The following PMPCB variants were observed in gnomAD, a reference collection of about 807,000 sequenced individuals.
PMPCB encodes peptidase, mitochondrial processing subunit beta, also known as mitochondrial-processing peptidase subunit beta.
PMPCB carries 46 observed loss-of-function variants against 61.5 expected under a neutral mutation model. The observed-to-expected ratio is 0.75, with a 90% CI of 0.59 to 0.96. PMPCB has a LOEUF of 0.96. Among genes scored for constraint, PMPCB ranks in the 40% least tolerant of loss-of-function variants. The pLI, the probability that PMPCB is intolerant of heterozygous loss-of-function variation, is 0.00. For missense variants in PMPCB, 590 were observed against 602.4 expected, an observed-to-expected ratio of 0.98 and a Z score of 0.22; for synonymous variants, 191 against 201.6, an observed-to-expected ratio of 0.95 and a Z score of 0.44.
At chr7:103,344,642 C>T in the PMPCB span, 9 of 1,605,716 alleles carry the variant, frequency 5.6e-6, no homozygotes, top group Middle Eastern at 1.8e-4. Flanking sequence ...GGGTCTAGCC[C>T]GGTGGGCGCA....
At chr7:103,308,263 C>T (rs1031465094) in intron 7 of PMPCB, among the ~76,000 whole-genome samples, 5 of 152,186 alleles carry the variant, frequency 3.3e-5, no homozygotes, top group African/African-American at 4.8e-5. Context: ...TGGCAGCTGC[C>T]TAGAACTGTA....
At chr7:103,316,821 A>G (rs1236051288), downstream of PMPCB, 3 of 1,611,826 alleles carry the variant, frequency 1.9e-6, no homozygotes, top group Non-Finnish European at 2.5e-6. Flanking sequence ...GTTTCATTAA[A>G]ACCAGTACCT....
chr7:103,333,563 G>C (rs1367950100), downstream of PMPCB, among the ~76,000 whole-genome samples: 1 of 152,206 alleles, frequency 6.6e-6, no homozygotes, highest in African/African-American at 2.4e-5. Flanking sequence ...AGTTCAGTGA[G>C]TTCTGACAAT....
intron 12 of PMPCB, chr7:103,319,860 CA>C (rs777361207): frequency 6.2e-7 from 1 of 1,612,682 alleles, no homozygotes; most frequent in Non-Finnish European, 8.5e-7. Flanking sequence ...AGCACAAACA[CA>C]AAAATAGTAT....
intron 9 of PMPCB, 101 bp downstream of exon 9, chr7:103,310,576 T>A: frequency 1.1e-6 from 1 of 889,954 alleles, no homozygotes; most frequent in Non-Finnish European, 1.7e-6. Flanking sequence ...TTTTACCTTT[T>A]AATTAAGAGA....
chr7:103,333,403 T>A (rs1819047825), downstream of PMPCB, among the ~76,000 whole-genome samples: 2 of 152,226 alleles, frequency 1.3e-5, no homozygotes, highest in African/African-American at 4.8e-5. Flanking sequence ...AAAAAAAGTC[T>A]ATTAGCATAA....
At chr7:103,319,462 A>G (rs1176297195), downstream of PMPCB, 2 of 850,882 alleles carry the variant, frequency 2.4e-6, no homozygotes, top group Admixed American at 2.8e-5. Context: ...AAAACCGAAC[A>G]CATAAAACAA....
chr7:103,326,481 C>T, intron 12 of PMPCB: 2 of 1,533,644 alleles, frequency 1.3e-6, no homozygotes, highest in South Asian at 1.2e-5. Context: ...GAGCAGAAAC[C>T]TGGAAGACTA....
intron 7 of PMPCB, among the ~76,000 whole-genome samples, 184 bp downstream of exon 7, chr7:103,307,892 C>G (rs2115684420): frequency 6.6e-6 from 1 of 152,326 alleles, no homozygotes; most frequent in Admixed American, 6.5e-5. Context: ...TATTTTTCTT[C>G]CTAAGGAAGC....
chr7:103,300,716 G>A (rs7779858), intron 4 of PMPCB, among the ~76,000 whole-genome samples: 1 of 152,154 alleles, frequency 6.6e-6, no homozygotes, highest in Non-Finnish European at 1.5e-5. Context: ...AGATAGTCTC[G>A]CTCTGTCACC....
intron 6 of PMPCB, 127 bp from the exon 7 acceptor site, chr7:103,307,467 ACT>A: frequency 1.7e-6 from 1 of 592,042 alleles, no homozygotes; most frequent in East Asian, 2.9e-5. Context: ...ATGTGAGCTT[ACT>A]CTTAAATAAT....
At position 103,312,077 on chromosome 7, in the gene PMPCB, C is replaced by G. The variant is rs560868240; in HGVS notation, c.1351C>G (p.Arg451Gly). 4.3e-6 allele frequency: 7 copies of G among 1,613,688 alleles called. No individual in the cohort carries two copies. Among genetic ancestry groups the G allele is most frequent in the Admixed American group, 1.7e-5 (1 of 59,978 alleles). ...RIDAVNAETI[R>G]EVCTKYIYNR... ...TCAGGCTGTGAATGCTGAGACAATT[C>G]GAGAAGTATGTACCAAATACATTTA... is the stretch of plus-strand genomic sequence containing the variant. The change falls in exon 12 of 13, where the codon CGA (arginine) becomes GGA (glycine). Residue 451 changes from arginine (R) to glycine (G), a missense_variant. Arg to Gly is a moderately radical substitution (Grantham distance 125, BLOSUM62 -2). Transcript: ENST00000249269.
intron 6 of PMPCB, among the ~76,000 whole-genome samples, chr7:103,305,460 T>C (rs1008560479): frequency 6.6e-6 from 1 of 152,242 alleles, no homozygotes; most frequent in Non-Finnish European, 1.5e-5. Context: ...TTCTTAACTA[T>C]GTTGCCCAGG....
the PMPCB span, among the ~76,000 whole-genome samples, chr7:103,345,296 A>G: frequency 6.6e-6 from 1 of 152,174 alleles, no homozygotes; most frequent in African/African-American, 2.4e-5. Flanking sequence ...GGCCAGCAAT[A>G]TTTTTACCTT....
intron 12 of PMPCB, chr7:103,319,887 C>A (rs765182154): frequency 6.3e-7 from 1 of 1,588,476 alleles, no homozygotes; most frequent in Admixed American, 1.7e-5. Flanking sequence ...CTCAAAAATA[C>A]ATCCATCAAC....
downstream of PMPCB, among the ~76,000 whole-genome samples, chr7:103,318,170 T>G (rs79934355): frequency 2.6e-5 from 4 of 151,246 alleles, no homozygotes; most frequent in African/African-American, 9.7e-5. Context: ...ATTTTTTTTT[T>G]GTCTGTTTTT....
At chr7:103,342,720 T>A in the PMPCB span, among the ~76,000 whole-genome samples, 4 of 151,686 alleles carry the variant, frequency 2.6e-5, no homozygotes, top group Non-Finnish European at 1.5e-5. Flanking sequence ...GCGATTCTCC[T>A]GCCTCAGCCT....
At chr7:103,302,433 G>A (rs1817475719) in intron 4 of PMPCB, among the ~76,000 whole-genome samples, 1 of 152,158 alleles carries the variant, frequency 6.6e-6, no homozygotes, top group Non-Finnish European at 1.5e-5. Context: ...CCCCCTCCCT[G>A]CCTTTGGAAA....
downstream of PMPCB, among the ~76,000 whole-genome samples, chr7:103,334,166 T>C (rs919261198): frequency 6.6e-6 from 1 of 152,112 alleles, no homozygotes; most frequent in Non-Finnish European, 1.5e-5. Context: ...TTAGCCAGGA[T>C]GGTCTCGATC....
Sources: allele counts gnomAD v4.1 joint callset (sites outside exome capture counted in the v4.1 genomes callset), GRCh38; gene constraint gnomAD v4.1.1; transcripts MANE v1.5; gene names NCBI Gene and HGNC (gene_info 2026-07-23, HGNC 2026-07-21).